LINGO2: variants seen among roughly 807,000 people sequenced by gnomAD.
LINGO2 encodes leucine-rich repeat and immunoglobulin-like domain-containing nogo receptor-interacting protein 2.
In LINGO2, 14 loss-of-function variants were observed where a neutral mutation model predicts 30.6. The ratio of observed to expected loss-of-function variants is 0.46; its 90% CI spans 0.30 to 0.72. The LOEUF is 0.72. Among genes scored for constraint, LINGO2 ranks in the 30% least tolerant of loss-of-function variants. LINGO2 has a pLI of 0.07. For missense variants in LINGO2, 729 were observed against 751.7 expected (o/e 0.97, Z 0.35); for synonymous variants, 317 against 288.5 (o/e 1.10, Z -1.00).
chr9:28,406,641 A>G (rs752724210), intron 2 of LINGO2, among the ~76,000 whole-genome samples: 4 of 152,130 alleles, frequency 2.6e-5, no homozygotes, highest in Non-Finnish European at 5.9e-5. Context: ...CCAGATTCTG[A>G]CTATGTATAC....
the LINGO2 span, among the ~76,000 whole-genome samples, chr9:29,176,833 C>A: frequency 6.6e-6 from 1 of 152,194 alleles, no homozygotes; most frequent in Non-Finnish European, 1.5e-5. Context: ...TGACAAGAAC[C>A]AGCAGCAGTA....
chr9:28,915,663 G>T, the LINGO2 span, among the ~76,000 whole-genome samples: 3 of 152,172 alleles, frequency 2.0e-5, no homozygotes, highest in African/African-American at 7.2e-5. Context: ...CATGAAGAAT[G>T]CTGGTCACTT....
At chr9:27,972,146 A>G (rs997809438) in intron 5 of LINGO2, among the ~76,000 whole-genome samples, 4 of 152,326 alleles carry the variant, frequency 2.6e-5, no homozygotes, top group Admixed American at 6.5e-5. Context: ...TACTTAGGTA[A>G]AAGAAAGAGG....
chr9:28,688,230 T>C, the LINGO2 span, among the ~76,000 whole-genome samples: 1 of 152,196 alleles, frequency 6.6e-6, no homozygotes, highest in Non-Finnish European at 1.5e-5. Flanking sequence ...TTAAGGATTC[T>C]CTTTATGATC....
intron 4 of LINGO2, among the ~76,000 whole-genome samples, chr9:28,106,553 G>T (rs940442386): frequency 6.6e-6 from 1 of 152,122 alleles, no homozygotes; most frequent in African/African-American, 2.4e-5. Context: ...TGGCTTTAGA[G>T]CCATATACAT....
At chr9:28,848,338 T>A in the LINGO2 span, among the ~76,000 whole-genome samples, 2 of 115,192 alleles carry the variant, frequency 1.7e-5, no homozygotes, top group Non-Finnish European at 1.7e-5. Context: ...TATACATATA[T>A]AGTGTATATA....
the LINGO2 span, among the ~76,000 whole-genome samples, chr9:28,807,150 G>C: frequency 6.6e-6 from 1 of 151,758 alleles, no homozygotes; most frequent in Non-Finnish European, 1.5e-5. Flanking sequence ...TTAGCCTCCT[G>C]AGTAGCTGGG....
At chr9:28,576,954 C>G in intron 1 of LINGO2, among the ~76,000 whole-genome samples, 1 of 152,106 alleles carries the variant, frequency 6.6e-6, no homozygotes. Flanking sequence ...AAAATTGTAA[C>G]AGTGAGAAAA....
At chr9:29,207,447 T>C in the LINGO2 span, among the ~76,000 whole-genome samples, 5 of 152,180 alleles carry the variant, frequency 3.3e-5, no homozygotes, top group Admixed American at 1.3e-4. Context: ...AATCCTCTTA[T>C]GTCGTCCAAT....
chr9:28,116,166 C>T (rs1287936739), intron 4 of LINGO2, among the ~76,000 whole-genome samples: 1 of 4,462 alleles, frequency 2.2e-4, no homozygotes, highest in Non-Finnish European at 3.8e-4. Context: ...TTCTCCTTCA[C>T]TTATGAAGCT....
intron 4 of LINGO2, among the ~76,000 whole-genome samples, chr9:28,276,512 T>C (rs1823119375): frequency 6.6e-6 from 1 of 152,180 alleles, no homozygotes; most frequent in African/African-American, 2.4e-5. Flanking sequence ...CCAGGTATTC[T>C]GATGTATCAA....
At chr9:28,222,242 G>C (rs922745485) in intron 4 of LINGO2, among the ~76,000 whole-genome samples, 1 of 152,084 alleles carries the variant, frequency 6.6e-6, no homozygotes, top group Non-Finnish European at 1.5e-5. Context: ...AATGTGAAGA[G>C]GCACTGAATA....
intron 4 of LINGO2, among the ~76,000 whole-genome samples, chr9:28,023,047 A>G (rs1823211795): frequency 6.6e-6 from 1 of 151,974 alleles, no homozygotes; most frequent in Admixed American, 6.5e-5. Context: ...CTCTGATTAT[A>G]TTAATCATGT....
At chr9:29,084,014 C>T in the LINGO2 span, among the ~76,000 whole-genome samples, 639 of 152,056 alleles carry the variant, frequency 4.2e-3, 2 homozygotes, top group African/African-American at 0.015. Flanking sequence ...GTTCATTACT[C>T]TGGAAGAATT....
chr9:28,853,423 A>G, the LINGO2 span, among the ~76,000 whole-genome samples: 1 of 152,042 alleles, frequency 6.6e-6, no homozygotes, highest in Non-Finnish European at 1.5e-5. Flanking sequence ...TATTAAAGAC[A>G]AAGTAATTCA....
chr9:28,404,363 T>C (rs116597957), intron 2 of LINGO2, among the ~76,000 whole-genome samples: 4,219 of 152,252 alleles, frequency 0.028, 178 homozygotes, highest in African/African-American at 0.095. Context: ...ATCAGCTTAC[T>C]TTATTAACTT....
chr9:28,665,139 TG>T (rs1484800134), intron 1 of LINGO2, among the ~76,000 whole-genome samples: 1 of 151,046 alleles, frequency 6.6e-6, no homozygotes, highest in Non-Finnish European at 1.5e-5. Context: ...GAAAAAGAGA[TG>T]CTTCTTGAGA....
chr9:28,603,742 G>A (rs1204675113), intron 1 of LINGO2, among the ~76,000 whole-genome samples: 1 of 151,930 alleles, frequency 6.6e-6, no homozygotes, highest in African/African-American at 2.4e-5. Context: ...ATATGCTGGC[G>A]ATTTTGGATC....
At chr9:27,957,499 G>A (rs145457545) in intron 5 of LINGO2, among the ~76,000 whole-genome samples, 2,189 of 152,146 alleles carry the variant, frequency 0.014, 22 homozygotes, top group Middle Eastern at 0.024. Flanking sequence ...TCAACATGTT[G>A]GCCAGGATGA....
Sources: allele counts gnomAD v4.1 joint callset (sites outside exome capture counted in the v4.1 genomes callset), GRCh38; gene constraint gnomAD v4.1.1; transcripts MANE v1.5; gene names NCBI Gene and HGNC (gene_info 2026-07-23, HGNC 2026-07-21).